Variants in SH3BGRL observed in about 807,000 individuals in gnomAD.
SH3BGRL encodes the protein SH3 domain binding glutamate rich protein like, also known as adapter SH3BGRL.
Under a neutral mutation model 9.8 loss-of-function variants are expected in SH3BGRL, and 7 were observed. The ratio of observed to expected loss-of-function variants is 0.72; its 90% CI spans 0.41 to 1.35. The LOEUF (loss-of-function observed/expected upper bound fraction) is 1.35. Ranked by LOEUF, SH3BGRL falls within the 40% of genes most tolerant of loss-of-function variation. The probability of loss-of-function intolerance (pLI) is 0.01; values close to 1 mark genes in which losing one functional copy is unlikely to be tolerated. For synonymous variants in SH3BGRL, 36 were observed against 29.1 expected, an observed-to-expected ratio of 1.24 and a Z score of -0.76; for missense variants, 73 against 84.4, an observed-to-expected ratio of 0.86 and a Z score of 0.53.
intron 1 of SH3BGRL, among the ~76,000 whole-genome samples, chrX:81,269,452 A>G (rs961206043): frequency 9.0e-6 from 1 of 111,472 alleles, no homozygotes; most frequent in Non-Finnish European, 1.9e-5. Context: ...TCTGTAAACT[A>G]TTTTATTTCT....
intron 1 of SH3BGRL, among the ~76,000 whole-genome samples, chrX:81,255,164 A>G (rs1393553278): frequency 9.0e-6 from 1 of 111,704 alleles, no homozygotes; most frequent in East Asian, 2.8e-4. Context: ...CTGGGATTAC[A>G]GGCGTGAGCC....
intron 1 of SH3BGRL, among the ~76,000 whole-genome samples, chrX:81,247,829 G>A (rs2075694229): frequency 9.0e-6 from 1 of 110,685 alleles, no homozygotes; most frequent in Admixed American, 9.7e-5. Context: ...TTTAGAATGA[G>A]TAAGGGAGAT....
At chrX:81,206,734 G>A (rs992574589) in intron 1 of SH3BGRL, among the ~76,000 whole-genome samples, 3 of 111,964 alleles carry the variant, frequency 2.7e-5, no homozygotes, top group African/African-American at 6.5e-5. Context: ...AAAAGGGAAT[G>A]TCTGTAAGTA....
At chrX:81,272,482 ACTTTTCTTTTTTTT>A (rs2075783817) in intron 1 of SH3BGRL, among the ~76,000 whole-genome samples, 2 of 107,800 alleles carry the variant, frequency 1.9e-5, no homozygotes, top group African/African-American at 6.8e-5. Context: ...CAGGGTCATT[ACTTTTCTTTTTTTT>A]CTTTTCTTTT....
intron 2 of SH3BGRL, 114 bp from the exon 3 acceptor site, chrX:81,278,217 C>A: frequency 2.0e-6 from 1 of 487,833 alleles, no homozygotes; most frequent in South Asian, 4.1e-5. Flanking sequence ...CCCACCTCGG[C>A]CTCCCAAAGT....
intron 3 of SH3BGRL, among the ~76,000 whole-genome samples, chrX:81,293,216 C>T (rs181476257): frequency 8.9e-6 from 1 of 112,168 alleles, no homozygotes; most frequent in African/African-American, 3.2e-5. Context: ...GTAAGAAGTG[C>T]CTTTCTCCTC....
intron 1 of SH3BGRL, among the ~76,000 whole-genome samples, chrX:81,236,178 C>A (rs768667929): frequency 9.0e-6 from 1 of 111,651 alleles, no homozygotes; most frequent in Admixed American, 9.5e-5. Flanking sequence ...TACCCCAGTG[C>A]AGATCGTGTC....
intron 1 of SH3BGRL, among the ~76,000 whole-genome samples, chrX:81,249,692 C>T (rs1460267318): frequency 2.7e-5 from 3 of 112,374 alleles, no homozygotes; most frequent in Non-Finnish European, 5.6e-5. Context: ...TTAATAAATA[C>T]TTGCTGTCCT....
chrX:81,255,821 T>C (rs991749716), intron 1 of SH3BGRL, among the ~76,000 whole-genome samples: 3 of 112,464 alleles, frequency 2.7e-5, no homozygotes, highest in Admixed American at 9.4e-5. Flanking sequence ...ATTTTTGTTG[T>C]ATTGAGAGAA....
At chrX:81,226,337 G>A (rs983316675) in intron 1 of SH3BGRL, among the ~76,000 whole-genome samples, 1 of 108,893 alleles carries the variant, frequency 9.2e-6, no homozygotes, top group Non-Finnish European at 1.9e-5. Context: ...AAGATTGAAC[G>A]TTCCTAGTTC....
intron 3 of SH3BGRL, among the ~76,000 whole-genome samples, chrX:81,291,156 T>G (rs951672900): frequency 1.8e-5 from 2 of 111,938 alleles, no homozygotes; most frequent in Non-Finnish European, 3.8e-5. Flanking sequence ...GACTTTTCCT[T>G]TTTTGACTAG....
chrX:81,276,395 G>T (rs1015286806), intron 1 of SH3BGRL, among the ~76,000 whole-genome samples: 5 of 110,006 alleles, frequency 4.5e-5, no homozygotes, highest in Non-Finnish European at 9.5e-5. Flanking sequence ...TACCTTAGCA[G>T]CACATGATAA....
At chrX:81,255,915 A>G (rs778492002) in intron 1 of SH3BGRL, among the ~76,000 whole-genome samples, 2 of 112,370 alleles carry the variant, frequency 1.8e-5, no homozygotes, top group Non-Finnish European at 3.8e-5. Context: ...CCCATTGGAA[A>G]AATAAAGGGA....
chrX:81,282,621 T>C (rs894496330), intron 3 of SH3BGRL, among the ~76,000 whole-genome samples: 1 of 111,748 alleles, frequency 8.9e-6, no homozygotes, highest in South Asian at 3.7e-4. Context: ...AAAAAATTCT[T>C]TAAACTGAAT....
At chrX:81,211,533 T>A (rs192466727) in intron 1 of SH3BGRL, among the ~76,000 whole-genome samples, 1 of 109,111 alleles carries the variant, frequency 9.2e-6, no homozygotes, top group Non-Finnish European at 1.9e-5. Context: ...CTTGCAGTGA[T>A]CCGAGATCGT....
At chrX:81,214,251 G>A (rs978546886) in intron 1 of SH3BGRL, among the ~76,000 whole-genome samples, 1 of 111,440 alleles carries the variant, frequency 9.0e-6, no homozygotes, top group Non-Finnish European at 1.9e-5. Flanking sequence ...GGAGAAAAGC[G>A]GTTTCAGTAG....
chrX:81,226,972 A>T (rs926077022), intron 1 of SH3BGRL, among the ~76,000 whole-genome samples: 6 of 111,990 alleles, frequency 5.4e-5, no homozygotes, highest in African/African-American at 1.3e-4. Context: ...TAGGAAACTT[A>T]ATAGAGTTGT....
intron 1 of SH3BGRL, among the ~76,000 whole-genome samples, chrX:81,241,951 C>T (rs985188625): frequency 2.7e-5 from 3 of 112,414 alleles, no homozygotes; most frequent in African/African-American, 9.7e-5. Context: ...AGTGTCTGGT[C>T]CCCACACTTG....
chrX:81,278,233 G>A (rs2075804544), intron 2 of SH3BGRL, 98 bp from the exon 3 acceptor site: 2 of 591,148 alleles, frequency 3.4e-6, no homozygotes, highest in Non-Finnish European at 5.3e-6. Flanking sequence ...AAAGTGTTGG[G>A]ATTACAGGCG....
Sources: gnomAD v4.1 joint callset for allele counts (sites outside exome capture counted in the v4.1 genomes callset) on GRCh38, gnomAD v4.1.1 for gene constraint, MANE v1.5 for transcripts, NCBI Gene and HGNC (gene_info 2026-07-23, HGNC 2026-07-21) for gene names.